The following IL17A variants were observed in gnomAD, a reference collection of about 807,000 sequenced individuals.
IL17A encodes interleukin-17A.
IL17A carries 1 observed loss-of-function variant against 7.2 expected under a neutral mutation model. The observed-to-expected ratio is 0.14, with a 90% confidence interval of 0.05 to 0.66. The LOEUF (loss-of-function observed/expected upper bound fraction) is 0.66, where lower values mean the gene tolerates loss of function less well. IL17A is among the 30% of genes least tolerant of loss of function. The pLI, the probability that IL17A is intolerant of heterozygous loss-of-function variation, is 0.84. For synonymous variants in IL17A, 90 were observed against 77.7 expected (o/e 1.16, Z -0.83); for missense variants, 191 against 197.1 (o/e 0.97, Z 0.18).
rs1430767019 is a variant in IL17A, at chr6:52,187,817, T to C, written c.230+12T>C. 1.5e-5 allele frequency: 24 copies of C among 1,606,414 alleles called. No individual in the cohort carries two copies. The highest frequency in any genetic ancestry group is 1.9e-5 in the Non-Finnish European group (22 of 1,173,116). On this transcript the variant is annotated intron_variant, in intron 2 of 2. Transcript: ENST00000648244. ...CCTTGGAATCTCCAGTACGTAAAGC[T>C]TCCAGATAAAAATGCTATATTCTTC...
chr6:52,189,464 G>A lies in IL17A; in HGVS notation c.*172G>A. On this transcript the variant is annotated 3_prime_UTR_variant, in exon 3 of 3. Transcript: ENST00000648244. ...GAGGTAACACTTGGCCAAGATATGAGATCTGAATTACCTTTCCCTCTTTCC... is the reference window on the plus strand; with the variant it reads ...GAGGTAACACTTGGCCAAGATATGAAATCTGAATTACCTTTCCCTCTTTCC... The A allele has an allele frequency of 1.8e-6, 1 of 550,594 alleles. No individual in the cohort carries two copies. The highest frequency in any genetic ancestry group is 3.2e-6 in the Non-Finnish European group (1 of 312,090). The allele number at this position is 550,594 out of a possible 1,614,324, so 34.1% of individuals were successfully genotyped here.
At chr6:52,187,494 T>C in intron 1 of IL17A, 109 bp from the exon 2 acceptor site, 1 of 891,620 alleles carries the variant, frequency 1.1e-6, no homozygotes, top group Non-Finnish European at 1.9e-6. Flanking sequence ...CCTGGAACAT[T>C]GTGTGTTCTC....
Position 52,189,146 on chromosome 6 carries a change from TACC to T in IL17A, c.325_327del (p.His109del). The T allele has an allele frequency of 6.2e-7, 1 of 1,614,164 alleles. No homozygotes were observed. Among genetic ancestry groups the T allele is most frequent in the Non-Finnish European group, 8.5e-7 (1 of 1,179,986 alleles). ...CATCAACGCTGATGGGAACGTGGAC[TACC>T]ACATGAACTCTGTCCCCATCCAGCA... is the stretch of plus-strand genomic sequence containing the variant. On this transcript the variant is annotated inframe_deletion, in exon 3 of 3. Coordinates refer to ENST00000648244, the MANE Select transcript of IL17A (RefSeq NM_002190.3).
chr6:52,188,305 C>A (rs775364816), intron 2 of IL17A, among the ~76,000 whole-genome samples: 23 of 152,128 alleles, frequency 1.5e-4, no homozygotes, highest in Non-Finnish European at 2.5e-4. Context: ...TGATCTACTT[C>A]CTAACATACC....
Position 52,189,400 on chromosome 6 carries a change from A to G in IL17A, c.*108A>G. ...GACAGCCTCATTTCGGACTAAACTCATTAGAGTTCTTAAGGCAGTTTGTCC... is the reference window on the plus strand; with the variant it reads ...GACAGCCTCATTTCGGACTAAACTCGTTAGAGTTCTTAAGGCAGTTTGTCC... On this transcript the variant is annotated 3_prime_UTR_variant, in exon 3 of 3. Transcript: ENST00000648244. 1.3e-6 allele frequency: 1 copy of G among 768,148 alleles called. No homozygotes were observed. 47.6% of individuals were successfully genotyped at this position (768,148 alleles called of 1,614,324 possible).
In IL17A at chr6:52,187,589, C is replaced by G. The variant is rs1368547773; in HGVS notation, c.28-14C>G. On this transcript the variant is annotated splice_polypyrimidine_tract_variant and intron_variant, in intron 1 of 2. Transcript: ENST00000648244. ...TAATCTCCAACCTCTCTCTCCTTTC[C>G]CATTCAATTCTAGTCACTGCTACTG... The G allele has an allele frequency of 6.2e-7, 1 of 1,604,512 alleles. No homozygotes were observed. Among genetic ancestry groups the G allele is most frequent in the Non-Finnish European group, 8.5e-7 (1 of 1,171,432 alleles).
chr6:52,188,768 G>A (rs1352576488), intron 2 of IL17A, among the ~76,000 whole-genome samples: 3 of 146,136 alleles, frequency 2.1e-5, no homozygotes, highest in Admixed American at 1.4e-4. Flanking sequence ...TATCATTTGT[G>A]TCAAACTTAA....
chr6:52,186,591 C>A, intron 1 of IL17A, 133 bp downstream of exon 1: 1 of 754,900 alleles, frequency 1.3e-6, no homozygotes, highest in Non-Finnish European at 2.2e-6. Context: ...GAAATGAAAG[C>A]TTTGGTAGGT....
rs1360218267 is a variant in IL17A, at chr6:52,187,734, C to T, written c.159C>T (p.Asn53=). ...RTVMVNLNIH[N]RNTNTNPKRS... The stretch of plus-strand genomic sequence containing the variant: ...TGATGGTCAACCTGAACATCCATAA[C>T]CGGAATACCAATACCAATCCCAAAA... The change falls in exon 2 of 3, where the codon AAC becomes AAT. Residue 53 remains asparagine, a synonymous_variant. Transcript: ENST00000648244. The T allele has an allele frequency of 1.2e-6, 2 of 1,614,080 alleles. No homozygotes were observed. Among genetic ancestry groups the T allele is most frequent in the East Asian group, 2.2e-5 (1 of 44,880 alleles).
In IL17A at chr6:52,187,689, C is replaced by T; in HGVS notation, c.114C>T (p.Asp38=). The T allele has an allele frequency of 6.2e-7, 1 of 1,614,064 alleles. No individual in the cohort carries two copies. Among genetic ancestry groups the T allele is most frequent in the Non-Finnish European group, 8.5e-7 (1 of 1,179,940 alleles). Residue 38 remains aspartate (D), a synonymous_variant, in exon 2 of 3, where the codon GAC becomes GAT. Transcript: ENST00000648244. ...ATCCAGGATGCCCAAATTCTGAGGA[C>T]AAGAACTTCCCCCGGACTGTGATGG... is the stretch of plus-strand genomic sequence containing the variant. ...PRNPGCPNSE[D]KNFPRTVMVN...
chr6:52,189,186 T>G lies in IL17A; in HGVS notation c.362T>G (p.Val121Gly). 6.2e-7 allele frequency: 1 copy of G among 1,614,142 alleles called. No individual in the cohort carries two copies. The highest frequency in any genetic ancestry group is 8.5e-7 in the Non-Finnish European group (1 of 1,179,988). ...GTCCCCATCCAGCAAGAGATCCTGG[T>G]CCTGCGCAGGGAGCCTCCACACTGC... is the stretch of plus-strand genomic sequence containing the variant. ...NSVPIQQEIL[V>G]LRREPPHCPN... Residue 121 changes from valine to glycine, a missense_variant, in exon 3 of 3, where the codon GTC becomes GGC. Transcript: ENST00000648244.
rs1763356174 is a variant in IL17A at position 52,190,270 on chromosome 6, TAATGGCCCTGAGG to T, written c.*985_*997del. 1 of 152,162 alleles carries T rather than the reference TAATGGCCCTGAGG, an allele frequency of 6.6e-6. No homozygotes were observed. The highest frequency in any genetic ancestry group is 2.1e-4 in the South Asian group (1 of 4,830). The allele number at this position is 152,162 out of a possible 1,614,324, so 9.4% of individuals were successfully genotyped here. On this transcript the variant is annotated 3_prime_UTR_variant, in exon 3 of 3. Coordinates refer to ENST00000648244, the MANE Select transcript of IL17A (RefSeq NM_002190.3). The stretch of plus-strand genomic sequence containing the variant: ...TTTGATAGGAATAGAGCAAATAAGA[TAATGGCCCTGAGG>T]AATGGCATGTCATTATTAAAGATCA...
chr6:52,187,543 A>C, intron 1 of IL17A, 60 bp from the exon 2 acceptor site: 1 of 1,351,472 alleles, frequency 7.4e-7, no homozygotes, highest in Non-Finnish European at 1.1e-6. Context: ...TTAATTTGTC[A>C]AAAAGAACCA....
chr6:52,186,859 C>T (rs1024344836), intron 1 of IL17A, among the ~76,000 whole-genome samples: 2 of 152,108 alleles, frequency 1.3e-5, no homozygotes, highest in Non-Finnish European at 2.9e-5. Context: ...ACCTTTGTTT[C>T]CATTATCTCG....
At position 52,189,216 on chromosome 6, in the gene IL17A, A is replaced by T; in HGVS notation, c.392A>T (p.Asn131Ile). 6.2e-7 allele frequency: 1 copy of T among 1,613,608 alleles called. No homozygotes were observed. The highest frequency in any genetic ancestry group is 2.2e-5 in the East Asian group (1 of 44,826). Reference protein sequence around the residue: ...VLRREPPHCPNSFRLEKILVS... With the variant: ...VLRREPPHCPISFRLEKILVS... ...CGCAGGGAGCCTCCACACTGCCCCA[A>T]CTCCTTCCGGCTGGAGAAGATACTG... is the stretch of plus-strand genomic sequence containing the variant. Residue 131 changes from asparagine to isoleucine, a missense_variant, in exon 3 of 3, where the codon AAC becomes ATC. Physicochemically the swap from Asn to Ile is moderately radical, Grantham distance 149. Transcript: ENST00000648244.
chr6:52,189,875 A>G lies in IL17A; in HGVS notation c.*583A>G, dbSNP rs190668927. On this transcript the variant is annotated 3_prime_UTR_variant, in exon 3 of 3. Transcript: ENST00000648244. ...CCTCTTTGTTTTTAAAAGTTATAAC[A>G]TGGCTGAAAAGAAAGATTAAACCTA... 32 of 152,354 alleles carry G rather than the reference A, an allele frequency of 2.1e-4. No individual in the cohort carries two copies. Among genetic ancestry groups the G allele is most frequent in the African/African-American group, 7.2e-4 (30 of 41,582 alleles). 9.4% of individuals were successfully genotyped at this position (152,354 alleles called of 1,614,324 possible). A position where few individuals can be genotyped will look rare whatever the true frequency, so the allele number is the denominator to read the frequency against.
At position 52,190,416 on chromosome 6, in the gene IL17A, A is replaced by T. The variant is rs1323194891; in HGVS notation, c.*1124A>T. On this transcript the variant is annotated 3_prime_UTR_variant, in exon 3 of 3. Coordinates refer to ENST00000648244, the MANE Select transcript of IL17A (RefSeq NM_002190.3). ...CCCTAGACTCAGGCTTCCTTTGGAG[A>T]TTAAGGCCCCTCAGAGATCAACAGA... 3 of 152,258 alleles carry T rather than the reference A, an allele frequency of 2.0e-5. No individual in the cohort carries two copies. The East Asian group carries it at 5.8e-4, about 29-fold the overall frequency. The allele number at this position is 152,258 out of a possible 1,614,324, so 9.4% of individuals were successfully genotyped here. A position where few individuals can be genotyped will look rare whatever the true frequency, so the allele number is the denominator to read the frequency against.
Position 52,189,361 on chromosome 6 carries a change from C to G in IL17A, c.*69C>G, listed in dbSNP as rs1314640737. ...AGAGCCGACCCAGCCCCTCAGGAAC[C>G]CTCATCCTTCAAAGACAGCCTCATT... On this transcript the variant is annotated 3_prime_UTR_variant, in exon 3 of 3. Coordinates refer to ENST00000648244, the MANE Select transcript of IL17A (RefSeq NM_002190.3). 2 of 1,147,730 alleles carry G rather than the reference C, an allele frequency of 1.7e-6. No individual in the cohort carries two copies. The highest frequency in any genetic ancestry group is 1.5e-5 in the African/African-American group (1 of 65,060). 71.1% of individuals were successfully genotyped at this position (1,147,730 alleles called of 1,614,324 possible).
chr6:52,188,956 G>T, intron 2 of IL17A, 99 bp from the exon 3 acceptor site: 1 of 817,026 alleles, frequency 1.2e-6, no homozygotes, highest in Admixed American at 2.3e-5. Context: ...CCTATAATTT[G>T]TCATCCTGTG....
Sources: allele counts gnomAD v4.1 joint callset (sites outside exome capture counted in the v4.1 genomes callset), GRCh38; gene constraint gnomAD v4.1.1; transcripts MANE v1.5; gene names NCBI Gene and HGNC (gene_info 2026-07-23, HGNC 2026-07-21).